Variants in CYRIA observed in about 807,000 individuals in gnomAD.
The protein encoded by CYRIA is CYFIP-related Rac1 interactor A.
A neutral mutation model predicts 43.9 loss-of-function variants in CYRIA; 15 were observed. The ratio of observed to expected loss-of-function variants is 0.34; its 90% CI spans 0.23 to 0.53. CYRIA has a LOEUF of 0.53. Ranked by LOEUF, CYRIA falls within the 20% of genes least tolerant of loss-of-function variation. The pLI, the probability that CYRIA is intolerant of heterozygous loss-of-function variation, is 0.94. For missense variants in CYRIA, 236 were observed against 394.2 expected, an observed-to-expected ratio of 0.60 and a Z score of 3.40; for synonymous variants, 117 against 136.0, an observed-to-expected ratio of 0.86 and a Z score of 0.97.
At chr2:16,577,154 A>T (rs1667381587) in intron 3 of CYRIA, among the ~76,000 whole-genome samples, 1 of 152,194 alleles carries the variant, frequency 6.6e-6, no homozygotes, top group African/African-American at 2.4e-5. Flanking sequence ...CAGAGGGTAG[A>T]TCTCATGGTA....
At chr2:16,646,938 C>A (rs1230215357) in intron 1 of CYRIA, among the ~76,000 whole-genome samples, 2 of 152,182 alleles carry the variant, frequency 1.3e-5, no homozygotes, top group Non-Finnish European at 2.9e-5. Flanking sequence ...TGGTTCTCAG[C>A]CCTTCTGACT....
intron 3 of CYRIA, among the ~76,000 whole-genome samples, chr2:16,584,731 C>T (rs2103452625): frequency 6.6e-6 from 1 of 152,278 alleles, no homozygotes; most frequent in Non-Finnish European, 1.5e-5. Context: ...CAAACATGCC[C>T]TTCCTATTCC....
chr2:16,634,846 G>A (rs528984118), intron 1 of CYRIA, among the ~76,000 whole-genome samples: 19 of 152,308 alleles, frequency 1.2e-4, no homozygotes, highest in African/African-American at 4.6e-4. Flanking sequence ...CAGCCATGGT[G>A]GAAGTATTTA....
chr2:16,653,036 G>A (rs183575842), intron 1 of CYRIA, among the ~76,000 whole-genome samples: 199 of 152,314 alleles, frequency 1.3e-3, no homozygotes, highest in African/African-American at 4.1e-3. Context: ...CATAAAAGCT[G>A]GGCTCTCTTT....
At chr2:16,616,454 T>C (rs555050226) in intron 2 of CYRIA, among the ~76,000 whole-genome samples, 26 of 152,096 alleles carry the variant, frequency 1.7e-4, no homozygotes, top group Non-Finnish European at 3.1e-4. Flanking sequence ...CCACACTGAC[T>C]CCAGGCCTCT....
At chr2:16,555,838 G>A (rs779283868) in intron 10 of CYRIA, among the ~76,000 whole-genome samples, 1 of 152,128 alleles carries the variant, frequency 6.6e-6, no homozygotes, top group Non-Finnish European at 1.5e-5. Context: ...ATCTTTGAGA[G>A]GACTGATGAA....
intron 1 of CYRIA, among the ~76,000 whole-genome samples, chr2:16,659,147 C>T (rs1357641049): frequency 6.6e-6 from 1 of 152,180 alleles, no homozygotes; most frequent in Admixed American, 6.5e-5. Context: ...TATGGAGGCT[C>T]CTCTGGCTAG....
At chr2:16,568,227 G>GAAAAAAAA (rs71400699) in intron 3 of CYRIA, among the ~76,000 whole-genome samples, 1 of 88,754 alleles carries the variant, frequency 1.1e-5, no homozygotes, top group African/African-American at 3.8e-5. Context: ...TTCAAAATCA[G>GAAAAAAAA]AAAAAAAAAA....
intron 3 of CYRIA, among the ~76,000 whole-genome samples, chr2:16,577,996 C>T (rs1455379109): frequency 6.6e-6 from 1 of 152,192 alleles, no homozygotes; most frequent in African/African-American, 2.4e-5. Flanking sequence ...ACCAGCCACT[C>T]TCCAGTAAGT....
intron 5 of CYRIA, among the ~76,000 whole-genome samples, chr2:16,563,534 G>T (rs1432234587): frequency 6.6e-6 from 1 of 152,086 alleles, no homozygotes; most frequent in African/African-American, 2.4e-5. Context: ...CATCTACAAA[G>T]CCATCCTGTA....
chr2:16,553,444 G>A (rs1481000960), intron 11 of CYRIA, among the ~76,000 whole-genome samples: 1 of 152,038 alleles, frequency 6.6e-6, no homozygotes, highest in Admixed American at 6.6e-5. Flanking sequence ...CACAAATGCT[G>A]GTAAGCAAAC....
rs1664462331 is a variant in CYRIA at position 16,650,845 on chromosome 2, GC to G, written c.-167+14934del. ...AGCAATTCAGGACAGAGGCTCACAG[GC>G]TTTGACATGAGTGACTAATTCAATT... is the stretch of plus-strand genomic sequence containing the variant. On this transcript the variant is annotated intron_variant, in intron 1 of 11. Coordinates refer to ENST00000381323, the MANE Select transcript of CYRIA (RefSeq NM_030797.4). The surrounding 1 kb of genome is among the most constrained non-coding windows in gnomAD (Gnocchi z 4.1). Among the ~76,000 whole-genome samples, 2 of 152,144 alleles carry G rather than the reference GC, an allele frequency of 1.3e-5. No homozygotes were observed. The highest frequency in any genetic ancestry group is 2.9e-5 in the Non-Finnish European group (2 of 68,026).
chr2:16,628,717 C>T (rs1222285380), intron 1 of CYRIA, among the ~76,000 whole-genome samples: 7 of 152,238 alleles, frequency 4.6e-5, no homozygotes, highest in African/African-American at 1.4e-4. Context: ...ATACAATCCA[C>T]ACTCCCACAG....
chr2:16,566,488 C>T (rs1055362508), intron 3 of CYRIA, among the ~76,000 whole-genome samples: 5 of 152,172 alleles, frequency 3.3e-5, no homozygotes, highest in Non-Finnish European at 7.3e-5. Context: ...TTCCTGAACA[C>T]ATGGGTATGT....
intron 3 of CYRIA, among the ~76,000 whole-genome samples, chr2:16,568,011 G>T (rs1401186015): frequency 6.6e-6 from 1 of 152,076 alleles, no homozygotes; most frequent in Non-Finnish European, 1.5e-5. Context: ...AAACCTGCTA[G>T]GTTAGAAAAC....
intron 1 of CYRIA, among the ~76,000 whole-genome samples, chr2:16,664,291 G>A (rs1447141737): frequency 6.6e-6 from 1 of 152,142 alleles, no homozygotes; most frequent in African/African-American, 2.4e-5. Context: ...AGGAGGTGAA[G>A]TTCTGCCAGC....
Position 16,605,097 on chromosome 2 carries a change from T to C in CYRIA, c.-10-16968A>G, listed in dbSNP as rs1668350085. On this transcript the variant is annotated intron_variant, in intron 2 of 11. Coordinates refer to ENST00000381323, the MANE Select transcript of CYRIA (RefSeq NM_030797.4). ...CCCCATGGAATACAAGCTGCTAGAG[T>C]CCAGTTGTAAGGCAATTCACGGGAA... 6.7e-5 allele frequency among the ~76,000 whole-genome samples: 10 copies of C among 149,320 alleles called. No homozygotes were observed. The Admixed American group carries it at 6.8e-4, about 10-fold the overall frequency.
intron 2 of CYRIA, among the ~76,000 whole-genome samples, chr2:16,603,303 G>T (rs1433236093): frequency 6.6e-6 from 1 of 152,162 alleles, no homozygotes; most frequent in Non-Finnish European, 1.5e-5. Context: ...TGAGGAGGGT[G>T]CTTTATGTAT....
intron 3 of CYRIA, among the ~76,000 whole-genome samples, chr2:16,577,491 T>C (rs1264399223): frequency 6.6e-6 from 1 of 152,212 alleles, no homozygotes; most frequent in African/African-American, 2.4e-5. Context: ...AAGTTGAGGT[T>C]GCAAAAGTCT....
Sources: allele counts gnomAD v4.1 joint callset (sites outside exome capture counted in the v4.1 genomes callset), GRCh38; gene constraint gnomAD v4.1.1; non-coding constraint Gnocchi (gnomAD v3.1); transcripts MANE v1.5; gene names NCBI Gene and HGNC (gene_info 2026-07-23, HGNC 2026-07-21).